Variants in LAMA2 observed in about 807,000 individuals in gnomAD.
LAMA2 encodes the protein laminin subunit alpha 2.
A neutral mutation model predicts 364.8 loss-of-function variants in LAMA2; 269 were observed. The ratio of observed to expected loss-of-function variants is 0.74; its 90% CI spans 0.67 to 0.82. The LOEUF is 0.82. LAMA2 is among the 40% of genes least tolerant of loss of function. The pLI is 0.00. For synonymous variants in LAMA2, 1,379 were observed against 1,370.6 expected, an observed-to-expected ratio of 1.01 and a Z score of -0.14; for missense variants, 3,807 against 3,873.2, an observed-to-expected ratio of 0.98 and a Z score of 0.45.
chr6:129,051,305 T>C (rs1357814971), intron 2 of LAMA2, among the ~76,000 whole-genome samples: 1 of 148,556 alleles, frequency 6.7e-6, no homozygotes, highest in Non-Finnish European at 1.5e-5. Context: ...TGAACAGATA[T>C]ATTATTTTAT....
At chr6:129,117,191 T>G (rs1776529275) in intron 4 of LAMA2, among the ~76,000 whole-genome samples, 1 of 152,176 alleles carries the variant, frequency 6.6e-6, no homozygotes, top group African/African-American at 2.4e-5. Flanking sequence ...CAATGAATTC[T>G]CAGAGCAAAT....
intron 5 of LAMA2, among the ~76,000 whole-genome samples, 154 bp from the exon 6 acceptor site, chr6:129,146,805 C>T (rs1434957267): frequency 6.6e-6 from 1 of 152,092 alleles, no homozygotes; most frequent in Non-Finnish European, 1.5e-5. Flanking sequence ...GTTACTTTGT[C>T]AGTTTTGTGA....
intron 4 of LAMA2, among the ~76,000 whole-genome samples, chr6:129,135,611 A>G (rs1326795609): frequency 6.6e-6 from 1 of 152,352 alleles, no homozygotes; most frequent in African/African-American, 2.4e-5. Flanking sequence ...TAATGATTTT[A>G]TCCTCTTATG....
intron 1 of LAMA2, among the ~76,000 whole-genome samples, chr6:128,988,250 A>T (rs752663984): frequency 6.6e-6 from 1 of 152,206 alleles, no homozygotes; most frequent in East Asian, 1.9e-4. Context: ...AGAACATACA[A>T]GGGGACATCT....
chr6:129,223,446 G>T (rs964085840), intron 12 of LAMA2, among the ~76,000 whole-genome samples: 1 of 152,102 alleles, frequency 6.6e-6, no homozygotes, highest in Non-Finnish European at 1.5e-5. Flanking sequence ...GTATTGCCTA[G>T]GTTTTCTTCT....
intron 19 of LAMA2, among the ~76,000 whole-genome samples, chr6:129,288,945 G>A (rs1328936809): frequency 6.6e-6 from 1 of 152,046 alleles, no homozygotes; most frequent in Non-Finnish European, 1.5e-5. Flanking sequence ...TATTCAGGTG[G>A]GTCCCAGGAC....
intron 28 of LAMA2, among the ~76,000 whole-genome samples, chr6:129,321,448 C>T (rs377215873): frequency 3.9e-5 from 6 of 152,142 alleles, no homozygotes; most frequent in South Asian, 2.1e-4. Flanking sequence ...TCACCTCTCC[C>T]GCAGACCCCA....
At chr6:128,911,467 A>G (rs1214206255) in intron 1 of LAMA2, among the ~76,000 whole-genome samples, 11 of 152,150 alleles carry the variant, frequency 7.2e-5, no homozygotes, top group Admixed American at 6.5e-5. Context: ...GCGCTTCCCG[A>G]GTGAGGCAAT....
chr6:129,152,328 T>G (rs1326379544), intron 7 of LAMA2, among the ~76,000 whole-genome samples: 1 of 152,238 alleles, frequency 6.6e-6, no homozygotes, highest in African/African-American at 2.4e-5. Context: ...ACAAGGTTGG[T>G]GGCTATGGAG....
chr6:129,205,478 G>GTGTATATATATATATA (rs1554244007), intron 12 of LAMA2, among the ~76,000 whole-genome samples: 11 of 116,428 alleles, frequency 9.4e-5, no homozygotes, highest in African/African-American at 5.0e-4. Flanking sequence ...TATTCTGTAA[G>GTGTATATATATATATA]TATATATATA....
rs1357161335 is a variant in LAMA2, at chr6:129,162,862, TAGA to T, written c.1207-2708_1207-2706del. On this transcript the variant is annotated intron_variant, in intron 8 of 64. Coordinates refer to ENST00000421865, the MANE Select transcript of LAMA2 (RefSeq NM_000426.4). ...TGTAAAGGTTTGTTAAAAGGAGAAG[TAGA>T]AGAAGGGGAGAATGAAGAGAACTAG... 8.6e-5 allele frequency among the ~76,000 whole-genome samples: 13 copies of T among 150,854 alleles called. No individual in the cohort carries two copies. In the East Asian group the frequency reaches 2.3e-3, roughly 27 times the overall value.
chr6:128,910,684 C>G (rs1777858029), intron 1 of LAMA2, among the ~76,000 whole-genome samples: 1 of 152,220 alleles, frequency 6.6e-6, no homozygotes, highest in African/African-American at 2.4e-5. Flanking sequence ...TGGTGAGGAA[C>G]TGCGTTCCTT....
rs1782476785 is a variant in LAMA2, at chr6:129,204,217, AGT to A, written c.1782+11367_1782+11368del. Among the ~76,000 whole-genome samples the A allele has an allele frequency of 2.0e-5, 3 of 152,214 alleles. No homozygotes were observed. In the South Asian group the frequency reaches 6.2e-4, roughly 31 times the overall value. The stretch of plus-strand genomic sequence containing the variant: ...AACCAGATTTGTGAAATACCCGCAG[AGT>A]GTTTTAGACTTTATTTTGAAGGTGC... On this transcript the variant is annotated intron_variant, in intron 12 of 64. Transcript: ENST00000421865.
intron 17 of LAMA2, among the ~76,000 whole-genome samples, chr6:129,271,997 T>A (rs944169226): frequency 5.9e-5 from 9 of 152,296 alleles, no homozygotes; most frequent in African/African-American, 2.2e-4. Context: ...CTACTGTTAA[T>A]CCACATGAAA....
At chr6:128,973,780 C>G (rs971907826) in intron 1 of LAMA2, among the ~76,000 whole-genome samples, 1 of 152,046 alleles carries the variant, frequency 6.6e-6, no homozygotes, top group African/African-American at 2.4e-5. Flanking sequence ...GACAAGGGAC[C>G]ATTTAGCCAT....
At chr6:129,482,314 T>C (rs1161347344) in intron 55 of LAMA2, among the ~76,000 whole-genome samples, 1 of 152,160 alleles carries the variant, frequency 6.6e-6, no homozygotes, top group East Asian at 1.9e-4. Context: ...ACATAAACTT[T>C]AGTATCTATA....
rs370380123 is a variant in LAMA2 at position 129,486,455 on chromosome 6, T to A, written c.7750-19T>A. On this transcript the variant is annotated intron_variant, in intron 55 of 64. Transcript: ENST00000421865. ...AATGAGACTTCTGTTTAATCTTCAA[T>A]AACCACTTGCTGTTGCAGGCCTATT... 2 of 1,612,430 alleles carry A rather than the reference T, an allele frequency of 1.2e-6. No individual in the cohort carries two copies. Among genetic ancestry groups the A allele is most frequent in the African/African-American group, 2.7e-5 (2 of 74,898 alleles).
intron 1 of LAMA2, among the ~76,000 whole-genome samples, chr6:128,915,263 G>T (rs867320365): frequency 1.3e-5 from 2 of 152,114 alleles, no homozygotes; most frequent in Non-Finnish European, 2.9e-5. Context: ...AAGGCAGAAA[G>T]GTTAATGGAT....
chr6:129,377,521 C>G (rs971526614), intron 34 of LAMA2, among the ~76,000 whole-genome samples: 2 of 152,130 alleles, frequency 1.3e-5, no homozygotes, highest in Non-Finnish European at 2.9e-5. Context: ...GCTGGTTGCT[C>G]CTTCTTTCCT....
Sources: allele counts gnomAD v4.1 joint callset (sites outside exome capture counted in the v4.1 genomes callset), GRCh38; gene constraint gnomAD v4.1.1; transcripts MANE v1.5; gene names NCBI Gene and HGNC (gene_info 2026-07-23, HGNC 2026-07-21).